Variants in CERCAM observed in about 807,000 individuals in gnomAD.
CERCAM encodes inactive glycosyltransferase 25 family member 3.
A neutral mutation model predicts 66.0 loss-of-function variants in CERCAM; 59 were observed. That is an observed-to-expected ratio of 0.89 (90% CI 0.73 to 1.11). The LOEUF is 1.11. CERCAM is among the 50% of genes most tolerant of loss of function. The pLI is 0.00. For synonymous variants in CERCAM, 318 were observed against 343.6 expected, an observed-to-expected ratio of 0.93 and a Z score of 0.83; for missense variants, 840 against 828.3, an observed-to-expected ratio of 1.01 and a Z score of -0.17.
rs1834052108 is a variant in CERCAM, at chr9:128,434,278, A to G, written c.1331+49A>G. 1.2e-6 allele frequency: 2 copies of G among 1,610,080 alleles called. No homozygotes were observed. Among genetic ancestry groups the G allele is most frequent in the Non-Finnish European group, 1.7e-6 (2 of 1,177,562 alleles). On this transcript the variant is annotated intron_variant, in intron 10 of 12. Transcript: ENST00000372838. This position sits in a 1 kb window ranked among gnomAD's most constrained non-coding sequence, Gnocchi z 4.5. ...ACAAGGGGGCAGGGTGGGCCTCCGG[A>G]GTCTGCCTTTTCCTGCTTGGGACCC...
At position 128,423,153 on chromosome 9, in the gene CERCAM, C is replaced by A; in HGVS notation, c.316C>A (p.Pro106Thr). 1.9e-6 allele frequency: 3 copies of A among 1,613,984 alleles called. No individual in the cohort carries two copies. The highest frequency in any genetic ancestry group is 1.7e-6 in the Non-Finnish European group (2 of 1,179,952). The change falls in exon 3 of 13, where the codon CCA becomes ACA. Residue 106 changes from proline (P) to threonine (T), a missense_variant. Coordinates refer to ENST00000372838, the MANE Select transcript of CERCAM (RefSeq NM_016174.5). ...WRPEGEPRFY[P>T]DEEGPKHWTK... Reference sequence around the variant, plus strand: ...TCACCTCTATCCCCTCAGGTTCTACCCAGATGAAGAGGGTCCCAAGCACTG... The same window carrying A: ...TCACCTCTATCCCCTCAGGTTCTACACAGATGAAGAGGGTCCCAAGCACTG...
intron 5 of CERCAM, among the ~76,000 whole-genome samples, chr9:128,424,965 C>T (rs1361619050): frequency 1.3e-5 from 2 of 151,812 alleles, no homozygotes; most frequent in Non-Finnish European, 2.9e-5. Context: ...TCAGGTGATC[C>T]ACCCGCCTCG....
rs1834069055 is a variant in CERCAM at position 128,434,699 on chromosome 9, T to C, written c.1535+86T>C. On this transcript the variant is annotated intron_variant, in intron 11 of 12. Transcript: ENST00000372838. The surrounding 1 kb of genome is among the most constrained non-coding windows in gnomAD (Gnocchi z 4.5). ...TCAGTCAGCAGGAAGTCCCCTCACC[T>C]GGCAGATGGGGAGACTGGGACTGGC... The C allele has an allele frequency of 7.4e-7, 1 of 1,345,904 alleles. No individual in the cohort carries two copies. Among genetic ancestry groups the C allele is most frequent in the African/African-American group, 1.4e-5 (1 of 69,540 alleles). The allele number at this position is 1,345,904 out of a possible 1,614,324, so 83.4% of individuals were successfully genotyped here.
intron 5 of CERCAM, 145 bp from the exon 6 acceptor site, chr9:128,428,157 C>A: frequency 1.1e-6 from 1 of 912,870 alleles, no homozygotes; most frequent in Non-Finnish European, 1.6e-6. Context: ...CAAGCCCTTT[C>A]TCCCTCTGGT....
Position 128,431,315 on chromosome 9 carries a change from T to C in CERCAM, c.1203+12T>C. On this transcript the variant is annotated intron_variant, in intron 9 of 12. Transcript: ENST00000372838. ...CCATCTGGGAAGAGGTGAGGGTGCC[T>C]GCTTCCTCCATCCACAGCCTTCGGG... 6.2e-7 allele frequency: 1 copy of C among 1,613,826 alleles called. No individual in the cohort carries two copies. The highest frequency in any genetic ancestry group is 8.5e-7 in the Non-Finnish European group (1 of 1,179,948).
chr9:128,429,169 G>A (rs1244313011), intron 8 of CERCAM, 133 bp downstream of exon 8: 3 of 648,886 alleles, frequency 4.6e-6, no homozygotes, highest in Non-Finnish European at 7.8e-6. Context: ...AATAGGGTCT[G>A]AGTAATATCC....
chr9:128,436,269 CT>C (rs1834111934), intron 12 of CERCAM, among the ~76,000 whole-genome samples: 1 of 151,960 alleles, frequency 6.6e-6, no homozygotes, highest in South Asian at 2.1e-4. Flanking sequence ...GAGATGGAGT[CT>C]TGCTCTTTTG....
rs369232396 is a variant in CERCAM at position 128,435,377 on chromosome 9, G to A, written c.1536-276G>A. Among the ~76,000 whole-genome samples, 56 of 152,276 alleles carry A rather than the reference G, an allele frequency of 3.7e-4. No homozygotes were observed. The East Asian group carries it at 0.01, about 28-fold the overall frequency. On this transcript the variant is annotated intron_variant, in intron 11 of 12. Transcript: ENST00000372838. ...TTGAACTCCCGACTTCAGGTGATCC[G>A]CCCGTCTCGGCTTCCCAAAGTGCTG...
chr9:128,427,278 A>T (rs1164404679), intron 5 of CERCAM, among the ~76,000 whole-genome samples: 1 of 151,766 alleles, frequency 6.6e-6, no homozygotes, highest in Admixed American at 6.6e-5. Flanking sequence ...ACAGCCGGTT[A>T]ATTTTTGTAT....
In CERCAM at chr9:128,429,023, G is replaced by A. The variant is rs758331364; in HGVS notation, c.1057G>A (p.Ala353Thr). 4.4e-6 allele frequency: 7 copies of A among 1,603,926 alleles called. No homozygotes were observed. The highest frequency in any genetic ancestry group is 2.2e-5 in the East Asian group (1 of 44,728). Reference sequence around the variant, plus strand: ...GGAGATCTCTGGGAGGGTGGTGGACGCTGTGGATGGCTGGTGAGCCTGCCT... The same window carrying A: ...GGAGATCTCTGGGAGGGTGGTGGACACTGTGGATGGCTGGTGAGCCTGCCT... ...EMEISGRVVD[A>T]VDGWMLNSSA... Residue 353 changes from alanine (A) to threonine (T), a missense_variant, in exon 8 of 13, where the codon GCT becomes ACT. Coordinates refer to ENST00000372838, the MANE Select transcript of CERCAM (RefSeq NM_016174.5).
intron 9 of CERCAM, among the ~76,000 whole-genome samples, chr9:128,433,018 G>A (rs549005957): frequency 2.6e-4 from 39 of 152,224 alleles, no homozygotes; most frequent in Middle Eastern, 6.8e-3. Context: ...CGTGGCTCAC[G>A]CCTGTAATCC....
chr9:128,431,449 C>A, intron 9 of CERCAM, 146 bp downstream of exon 9: 1 of 962,278 alleles, frequency 1.0e-6, no homozygotes, highest in East Asian at 2.6e-5. Flanking sequence ...GTTCAACACC[C>A]CAGTGGGCAC....
chr9:128,435,607 G>A lies in CERCAM; in HGVS notation c.1536-46G>A, dbSNP rs574337215. On this transcript the variant is annotated intron_variant, in intron 11 of 12. Coordinates refer to ENST00000372838, the MANE Select transcript of CERCAM (RefSeq NM_016174.5). The stretch of plus-strand genomic sequence containing the variant: ...CTCCGGGCAGGCATGTGTCCGGGGA[G>A]TAGGGGCCCGCCTCAATCCCCCTGA... 4 of 1,544,042 alleles carry A rather than the reference G, an allele frequency of 2.6e-6. No individual in the cohort carries two copies. The Admixed American group carries it at 7.6e-5, about 29-fold the overall frequency.
Position 128,435,707 on chromosome 9 carries a change from G to C in CERCAM, c.1590G>C (p.Gln530His), listed in dbSNP as rs546058606. ...WPRDLVAFSA[Q>H]PLLAAPTHYA... is the part of the protein sequence containing the mutation. ...GGGACCTGGTGGCCTTCTCCGCCCA[G>C]CCCCTGCTCGCTGCCCCTACCCACT... Residue 530 changes from glutamine to histidine, a missense_variant, in exon 12 of 13, where the codon CAG becomes CAC. Physicochemically the swap from Gln to His is conservative, Grantham distance 24. Transcript: ENST00000372838. The C allele has an allele frequency of 5.6e-6, 9 of 1,613,700 alleles. No individual in the cohort carries two copies. The East Asian group carries it at 1.6e-4, about 28-fold the overall frequency.
At chr9:128,425,150 G>A (rs911798825) in intron 5 of CERCAM, among the ~76,000 whole-genome samples, 16 of 150,788 alleles carry the variant, frequency 1.1e-4, no homozygotes, top group Non-Finnish European at 2.1e-4. Flanking sequence ...TCCGCCTCCC[G>A]GGTTCAAGCC....
At chr9:128,430,676 C>T (rs1833953793) in intron 8 of CERCAM, 1 of 152,634 alleles carries the variant, frequency 6.6e-6, no homozygotes, top group African/African-American at 2.4e-5. Flanking sequence ...CAAGGGTCAC[C>T]CCTGTCTTAT....
rs1468747938 is a variant in CERCAM, at chr9:128,436,843, C to T, written c.*1-6C>T. Reference sequence around the variant, plus strand: ...CTTTCTCTTCCTGCTCCTCCTGTCCCACCAGGTCCAGGTGATGACTGCAAA... The same window carrying T: ...CTTTCTCTTCCTGCTCCTCCTGTCCTACCAGGTCCAGGTGATGACTGCAAA... On this transcript the variant is annotated splice_region_variant and splice_polypyrimidine_tract_variant and intron_variant, in intron 12 of 12. Coordinates refer to ENST00000372838, the MANE Select transcript of CERCAM (RefSeq NM_016174.5). The T allele has an allele frequency of 6.6e-6, 1 of 152,356 alleles. No individual in the cohort carries two copies. Among genetic ancestry groups the T allele is most frequent in the African/African-American group, 2.4e-5 (1 of 41,444 alleles). The allele number at this position is 152,356 out of a possible 1,614,324, so 9.4% of individuals were successfully genotyped here.
In CERCAM at chr9:128,435,834, C is replaced by T. The variant is rs201331661; in HGVS notation, c.1717C>T (p.Arg573Cys). 31 of 1,609,428 alleles carry T rather than the reference C, an allele frequency of 1.9e-5. No homozygotes were observed. The highest frequency in any genetic ancestry group is 5.0e-5 in the Admixed American group (3 of 59,754). Reference sequence around the variant, plus strand: ...CTGGAGCGGCTCCCAAAAGACCCTGCGCAGCCCCCGCCTGGACCTGACTGG... The same window carrying T: ...CTGGAGCGGCTCCCAAAAGACCCTGTGCAGCCCCCGCCTGGACCTGACTGG... The part of the protein sequence containing the change: ...ISWSGSQKTL[R>C]SPRLDLTGSS... The change falls in exon 12 of 13, where the codon CGC becomes TGC. Residue 573 changes from arginine (R) to cysteine (C), a missense_variant. Transcript: ENST00000372838.
At chr9:128,421,508 A>T in intron 1 of CERCAM, 2 of 989,070 alleles carry the variant, frequency 2.0e-6, no homozygotes. Context: ...GCTTCCGGGC[A>T]CAGGTTGGGG....
Sources: gnomAD v4.1 joint callset for allele counts (sites outside exome capture counted in the v4.1 genomes callset) on GRCh38, gnomAD v4.1.1 for gene constraint, Gnocchi (gnomAD v3.1) non-coding constraint, MANE v1.5 for transcripts, NCBI Gene and HGNC (gene_info 2026-07-23, HGNC 2026-07-21) for gene names.